PPP1R9A: variants seen among roughly 807,000 people sequenced by gnomAD.
PPP1R9A encodes protein phosphatase 1 regulatory subunit 9A.
In PPP1R9A, 59 loss-of-function variants were observed where a neutral mutation model predicts 141.9. That is an observed-to-expected ratio of 0.42 (90% CI 0.34 to 0.52). The LOEUF is 0.52. Among genes scored for constraint, PPP1R9A ranks in the 20% least tolerant of loss-of-function variants. The probability of loss-of-function intolerance (pLI) is 0.10; values close to 1 mark genes in which losing one functional copy is unlikely to be tolerated. For synonymous variants in PPP1R9A, 500 were observed against 569.7 expected (o/e 0.88, Z 1.74); for missense variants, 1,444 against 1,611.9 (o/e 0.90, Z 1.78).
At chr7:94,924,460 G>T (rs559798858) in intron 2 of PPP1R9A, among the ~76,000 whole-genome samples, 1 of 152,108 alleles carries the variant, frequency 6.6e-6, no homozygotes. Context: ...GAGTTACTGG[G>T]TTTTGACTCT....
chr7:95,135,668 CAA>C, intron 4 of PPP1R9A, among the ~76,000 whole-genome samples: 1 of 151,744 alleles, frequency 6.6e-6, no homozygotes, highest in East Asian at 1.9e-4. Flanking sequence ...AACTTGTTTT[CAA>C]AGTTTTTTTA....
chr7:95,276,065 C>T (rs942169415), intron 16 of PPP1R9A, among the ~76,000 whole-genome samples: 7 of 152,084 alleles, frequency 4.6e-5, no homozygotes, highest in African/African-American at 1.7e-4. Flanking sequence ...CAAACATACT[C>T]ATGGAAAAAA....
At chr7:94,954,723 ATTTT>A (rs1443552389) in intron 2 of PPP1R9A, among the ~76,000 whole-genome samples, 1 of 145,784 alleles carries the variant, frequency 6.9e-6, no homozygotes, top group Non-Finnish European at 1.5e-5. Flanking sequence ...TTTTTTGGTG[ATTTT>A]TTTGAGTTTT....
At chr7:95,247,413 G>A (rs1050924229) in intron 8 of PPP1R9A, 60 bp from the exon 9 acceptor site, 131 of 1,399,530 alleles carry the variant, frequency 9.4e-5, no homozygotes, top group Non-Finnish European at 1.3e-4. Context: ...AGCTGCTGAG[G>A]CTTTACAAAT....
intron 4 of PPP1R9A, among the ~76,000 whole-genome samples, chr7:95,159,762 A>C (rs981791063): frequency 6.6e-6 from 1 of 151,544 alleles, no homozygotes; most frequent in African/African-American, 2.4e-5. Flanking sequence ...TCTCTACTAA[A>C]AATACAAAAA....
chr7:94,925,619 C>G (rs1415378951), intron 2 of PPP1R9A, among the ~76,000 whole-genome samples: 1 of 152,094 alleles, frequency 6.6e-6, no homozygotes, highest in Non-Finnish European at 1.5e-5. Flanking sequence ...ATCCTGCAGA[C>G]ACCTGATCTT....
intron 12 of PPP1R9A, among the ~76,000 whole-genome samples, chr7:95,267,427 C>T (rs1585546646): frequency 6.6e-6 from 1 of 152,196 alleles, no homozygotes; most frequent in Non-Finnish European, 1.5e-5. Context: ...TCCTTTATTT[C>T]TAAGGAGTGA....
chr7:94,984,152 G>T (rs551398192), intron 2 of PPP1R9A, among the ~76,000 whole-genome samples: 1 of 152,182 alleles, frequency 6.6e-6, no homozygotes, highest in East Asian at 1.9e-4. Context: ...TGCGTATGTT[G>T]AACCAGCCTT....
At chr7:95,066,183 T>G (rs1812915391) in intron 2 of PPP1R9A, among the ~76,000 whole-genome samples, 1 of 152,182 alleles carries the variant, frequency 6.6e-6, no homozygotes, top group African/African-American at 2.4e-5. Flanking sequence ...TGGACATACT[T>G]AGCGGTATTT....
At chr7:94,953,283 T>C (rs1233793584) in intron 2 of PPP1R9A, among the ~76,000 whole-genome samples, 1 of 152,196 alleles carries the variant, frequency 6.6e-6, no homozygotes, top group Non-Finnish European at 1.5e-5. Flanking sequence ...TGTGGCATTA[T>C]TGCTGAGGCT....
chr7:94,990,437 T>C (rs1801368396), intron 2 of PPP1R9A, among the ~76,000 whole-genome samples: 2 of 152,132 alleles, frequency 1.3e-5, no homozygotes, highest in African/African-American at 2.4e-5. Context: ...TTTTCTTTTT[T>C]TTAACTTTTA....
chr7:95,186,437 G>A (rs948294190), intron 5 of PPP1R9A, among the ~76,000 whole-genome samples: 1 of 152,002 alleles, frequency 6.6e-6, no homozygotes, highest in African/African-American at 2.4e-5. Flanking sequence ...GTGTTTTCTA[G>A]GTAAACGATC....
At chr7:95,233,596 C>G (rs972371942) in intron 8 of PPP1R9A, among the ~76,000 whole-genome samples, 3 of 152,104 alleles carry the variant, frequency 2.0e-5, no homozygotes, top group Non-Finnish European at 4.4e-5. Flanking sequence ...TTCTGTCAGA[C>G]ATTCAAAGAA....
At chr7:95,026,932 C>T (rs1806935652) in intron 2 of PPP1R9A, among the ~76,000 whole-genome samples, 1 of 152,062 alleles carries the variant, frequency 6.6e-6, no homozygotes, top group Admixed American at 6.6e-5. Context: ...ACACCCCTAC[C>T]CCCACCAAGC....
rs185657771 is a variant in PPP1R9A at position 95,291,447 on chromosome 7, A to G, written c.*1144A>G. 8 of 152,324 alleles carry G rather than the reference A, an allele frequency of 5.3e-5. No individual in the cohort carries two copies. The highest frequency in any genetic ancestry group is 1.3e-4 in the Admixed American group (2 of 15,302). The allele number at this position is 152,324 out of a possible 1,614,324, so 9.4% of individuals were successfully genotyped here. On this transcript the variant is annotated 3_prime_UTR_variant, in exon 20 of 20. Coordinates refer to ENST00000433360, the MANE Select transcript of PPP1R9A (RefSeq NM_001166160.2). ...CCGAACCATTCCTTTCCATACTTCA[A>G]AGATTCTCAATTTTACAGAAAAAGT... is the stretch of plus-strand genomic sequence containing the variant.
At chr7:94,986,694 A>G (rs1800883288) in intron 2 of PPP1R9A, among the ~76,000 whole-genome samples, 1 of 152,238 alleles carries the variant, frequency 6.6e-6, no homozygotes, top group Non-Finnish European at 1.5e-5. Flanking sequence ...TACACTGGAT[A>G]CACAGGCATT....
chr7:95,251,664 G>A, intron 10 of PPP1R9A, 98 bp from the exon 11 acceptor site: 1 of 1,099,966 alleles, frequency 9.1e-7, no homozygotes, highest in South Asian at 1.8e-5. Context: ...TTAAATAACT[G>A]TTCAGTTGCT....
intron 8 of PPP1R9A, among the ~76,000 whole-genome samples, chr7:95,233,354 C>T (rs542787890): frequency 4.6e-5 from 7 of 151,506 alleles, no homozygotes; most frequent in African/African-American, 7.3e-5. Context: ...GAATGTCACA[C>T]ACCAGGGCCT....
At chr7:94,980,951 T>A (rs985739644) in intron 2 of PPP1R9A, among the ~76,000 whole-genome samples, 4 of 152,180 alleles carry the variant, frequency 2.6e-5, no homozygotes, top group Admixed American at 6.5e-5. Context: ...CACTGCCTAT[T>A]TGAAGGTGAA....
Sources: allele counts gnomAD v4.1 joint callset (sites outside exome capture counted in the v4.1 genomes callset), GRCh38; gene constraint gnomAD v4.1.1; transcripts MANE v1.5; gene names NCBI Gene and HGNC (gene_info 2026-07-23, HGNC 2026-07-21).